The following KIAA0825 variants were observed in gnomAD, a reference collection of about 807,000 sequenced individuals.
KIAA0825 encodes uncharacterized protein KIAA0825.
A neutral mutation model predicts 147.6 loss-of-function variants in KIAA0825; 119 were observed. The observed-to-expected ratio is 0.81, with a 90% CI of 0.69 to 0.94. The LOEUF is 0.94. Ranked by LOEUF, KIAA0825 falls within the 40% of genes least tolerant of loss-of-function variation. The pLI is 0.00. For missense variants in KIAA0825, 1,381 were observed against 1,472.7 expected (o/e 0.94, Z 1.02); for synonymous variants, 470 against 518.1 (o/e 0.91, Z 1.26).
intron 3 of KIAA0825, among the ~76,000 whole-genome samples, chr5:94,532,825 TA>T (rs61008891): frequency 5.2e-3 from 710 of 136,346 alleles, no homozygotes; most frequent in Non-Finnish European, 5.7e-3. Context: ...TTCTTTAGAT[TA>T]AAAAAAAAAA....
chr5:94,303,919 T>C (rs540356911), intron 20 of KIAA0825, among the ~76,000 whole-genome samples: 43 of 152,196 alleles, frequency 2.8e-4, no homozygotes, highest in African/African-American at 1.0e-3. Flanking sequence ...AGCTTAATAC[T>C]ATCATGATTT....
chr5:94,247,366 G>A (rs1775685217), intron 20 of KIAA0825, among the ~76,000 whole-genome samples: 1 of 152,118 alleles, frequency 6.6e-6, no homozygotes, highest in Non-Finnish European at 1.5e-5. Flanking sequence ...CAAGTTCTTT[G>A]GGAAAGAAAA....
At chr5:94,198,126 T>C (rs931856569) in intron 20 of KIAA0825, among the ~76,000 whole-genome samples, 1 of 152,214 alleles carries the variant, frequency 6.6e-6, no homozygotes, top group African/African-American at 2.4e-5. Context: ...TGGGTTTGTG[T>C]CATCTCTAAT....
rs1423012965 is a variant in KIAA0825 at position 94,305,552 on chromosome 5, G to A, written c.3710+78816C>T. On this transcript the variant is annotated intron_variant, in intron 20 of 20. Coordinates refer to ENST00000682413, the MANE Select transcript of KIAA0825 (RefSeq NM_001145678.3). ...AGCTGTGCCACTTCTGATACATTAC[G>A]TCAATTGACAATGAAACACTGTGAT... Among the ~76,000 whole-genome samples, 11 of 152,030 alleles carry A rather than the reference G, an allele frequency of 7.2e-5. No homozygotes were observed. The South Asian group carries it at 8.3e-4, about 11-fold the overall frequency.
intron 20 of KIAA0825, among the ~76,000 whole-genome samples, chr5:94,204,919 C>A: frequency 6.6e-6 from 1 of 151,848 alleles, no homozygotes; most frequent in Non-Finnish European, 1.5e-5. Context: ...ATAGATGCTG[C>A]CTTTAATACC....
chr5:94,208,012 A>G (rs1772364963), intron 20 of KIAA0825, among the ~76,000 whole-genome samples: 1 of 152,218 alleles, frequency 6.6e-6, no homozygotes, highest in African/African-American at 2.4e-5. Flanking sequence ...TTTTAAGCCC[A>G]TGAATATCTG....
In KIAA0825 at chr5:94,445,542, CTG is replaced by C. The variant is rs372036449; in HGVS notation, c.2358-5423_2358-5422del. On this transcript the variant is annotated intron_variant, in intron 13 of 20. Transcript: ENST00000682413. ...CTCAACATCCTCACCAAAATATAAA[CTG>C]TTTCATATATGGGGAAACTGAACTG... Among the ~76,000 whole-genome samples the C allele has an allele frequency of 5.0e-3, 761 of 152,246 alleles. 12 individuals are homozygous for C. Among genetic ancestry groups the C allele is most frequent in the Middle Eastern group, 0.044 (13 of 294 alleles).
At position 94,465,001 on chromosome 5, in the gene KIAA0825, T is replaced by C. The variant is rs926793309; in HGVS notation, c.1931A>G (p.Tyr644Cys). 4 of 1,551,696 alleles carry C rather than the reference T, an allele frequency of 2.6e-6. No homozygotes were observed. Among genetic ancestry groups the C allele is most frequent in the Admixed American group, 3.9e-5 (2 of 51,006 alleles). Residue 644 changes from tyrosine to cysteine, a missense_variant, in exon 11 of 21, where the codon TAC becomes TGC. Coordinates refer to ENST00000682413, the MANE Select transcript of KIAA0825 (RefSeq NM_001145678.3). ...MWHYFCWSLH[Y>C]DLWTILPPKL... ...AGGAGGCAGAATGGTCCAGAGATCG[T>C]AATGAAGAGACCAGCAGAAATAATG...
At position 94,473,392 on chromosome 5, in the gene KIAA0825, G is replaced by C; in HGVS notation, c.1355C>G (p.Ser452Cys). Residue 452 changes from serine to cysteine, a missense_variant, in exon 8 of 21, where the codon TCT becomes TGT. Coordinates refer to ENST00000682413, the MANE Select transcript of KIAA0825 (RefSeq NM_001145678.3). ...GTTCATAGCATAGCTCACAGCTGAAGACCTTTCATTCTGTTCCTGTTGGAG... is the reference window on the plus strand; with the variant it reads ...GTTCATAGCATAGCTCACAGCTGAACACCTTTCATTCTGTTCCTGTTGGAG... Reference protein sequence around the residue: ...KILQQEQNERSSAVSYAMNLV... With the variant: ...KILQQEQNERCSAVSYAMNLV... The C allele has an allele frequency of 1.9e-6, 3 of 1,552,004 alleles. No individual in the cohort carries two copies. The highest frequency in any genetic ancestry group is 2.4e-5 in the South Asian group (2 of 84,054).
intron 15 of KIAA0825, among the ~76,000 whole-genome samples, chr5:94,407,875 T>C (rs1243354463): frequency 6.6e-6 from 1 of 152,184 alleles, no homozygotes; most frequent in African/African-American, 2.4e-5. Context: ...AAAAATGCAA[T>C]TGCCTCTAAA....
At chr5:94,376,399 G>A (rs1301430088) in intron 20 of KIAA0825, among the ~76,000 whole-genome samples, 5 of 152,104 alleles carry the variant, frequency 3.3e-5, no homozygotes, top group Non-Finnish European at 7.4e-5. Context: ...CCTGTCCCTT[G>A]TTACATGGTT....
chr5:94,286,523 CA>C (rs1403632137), intron 20 of KIAA0825, among the ~76,000 whole-genome samples: 2 of 152,172 alleles, frequency 1.3e-5, no homozygotes, highest in South Asian at 4.1e-4. Context: ...CTTCACAAAT[CA>C]TACAGGGAAT....
chr5:94,261,502 C>G (rs1241874655), intron 20 of KIAA0825, among the ~76,000 whole-genome samples: 1 of 151,562 alleles, frequency 6.6e-6, no homozygotes, highest in Non-Finnish European at 1.5e-5. Context: ...TGAGAAAGGC[C>G]GACCTTAAAT....
intron 1 of KIAA0825, among the ~76,000 whole-genome samples, chr5:94,584,900 A>G (rs1021384085): frequency 2.6e-5 from 4 of 152,210 alleles, no homozygotes; most frequent in Admixed American, 1.3e-4. Flanking sequence ...ATGCTTAAAG[A>G]AAATAATTTT....
Position 94,391,513 on chromosome 5 carries a change from G to A in KIAA0825, c.3456+22C>T, listed in dbSNP as rs75845455. ...CAGGCCAGTACACACCTAATTGCTCGATAAAAAGGCCGTTTCCCTACCTCA... is the reference window on the plus strand; with the variant it reads ...CAGGCCAGTACACACCTAATTGCTCAATAAAAAGGCCGTTTCCCTACCTCA... On this transcript the variant is annotated intron_variant, in intron 18 of 20. Transcript: ENST00000682413. The A allele has an allele frequency of 1.2e-3, 1,873 of 1,551,212 alleles. 31 individuals carry two copies. The East Asian group carries it at 0.024, about 20-fold the overall frequency.
intron 20 of KIAA0825, among the ~76,000 whole-genome samples, chr5:94,314,672 A>C (rs1417096742): frequency 6.6e-6 from 1 of 151,592 alleles, no homozygotes; most frequent in Non-Finnish European, 1.5e-5. Context: ...ATTCTTGTAA[A>C]GTGGGAGAAA....
chr5:94,530,295 A>AC (rs1770526031), intron 3 of KIAA0825, among the ~76,000 whole-genome samples: 1 of 150,142 alleles, frequency 6.7e-6, no homozygotes, highest in Non-Finnish European at 1.5e-5. Context: ...AAAAAAAAAA[A>AC]GGAATTACTT....
intron 20 of KIAA0825, among the ~76,000 whole-genome samples, chr5:94,214,706 T>G (rs1366436638): frequency 6.6e-6 from 1 of 152,178 alleles, no homozygotes; most frequent in Non-Finnish European, 1.5e-5. Flanking sequence ...ATTTTAGAAG[T>G]TAAAATGCCT....
At chr5:94,466,404 CT>C (rs761640478) in intron 10 of KIAA0825, among the ~76,000 whole-genome samples, 2 of 152,104 alleles carry the variant, frequency 1.3e-5, no homozygotes, top group Non-Finnish European at 2.9e-5. Context: ...CCACTGACTT[CT>C]GATTTCCTAA....
Sources: allele counts gnomAD v4.1 joint callset (sites outside exome capture counted in the v4.1 genomes callset), GRCh38; gene constraint gnomAD v4.1.1; transcripts MANE v1.5; gene names NCBI Gene and HGNC (gene_info 2026-07-23, HGNC 2026-07-21).